The following SYBU variants were observed in gnomAD, a reference collection of about 807,000 sequenced individuals.
The protein encoded by SYBU is GOLSYN A protein.
In SYBU, 21 loss-of-function variants were observed where a neutral mutation model predicts 35.9. The observed-to-expected ratio is 0.58, with a 90% CI of 0.41 to 0.84. The LOEUF (loss-of-function observed/expected upper bound fraction) is 0.84, where lower values mean the gene tolerates loss of function less well. SYBU is among the 40% of genes least tolerant of loss of function. The pLI, the probability that SYBU is intolerant of heterozygous loss-of-function variation, is 0.00. For synonymous variants in SYBU, 319 were observed against 324.3 expected (o/e 0.98, Z 0.18); for missense variants, 768 against 848.2 (o/e 0.91, Z 1.17).
intron 3 of SYBU, among the ~76,000 whole-genome samples, chr8:109,613,343 T>C (rs1168926396): frequency 6.6e-6 from 1 of 152,208 alleles, no homozygotes; most frequent in African/African-American, 2.4e-5. Context: ...TTCTGCCAGG[T>C]CCAACACAGA....
chr8:109,612,372 A>G (rs1261434445), intron 3 of SYBU, among the ~76,000 whole-genome samples: 1 of 152,228 alleles, frequency 6.6e-6, no homozygotes, highest in Non-Finnish European at 1.5e-5. Context: ...TATCTGAAAT[A>G]GCTTACAGCC....
At chr8:109,641,432 C>A (rs761646135) in intron 2 of SYBU, among the ~76,000 whole-genome samples, 12 of 152,230 alleles carry the variant, frequency 7.9e-5, no homozygotes, top group Non-Finnish European at 1.3e-4. Context: ...CTCTACAAGG[C>A]AAGTATTATA....
intron 1 of SYBU, among the ~76,000 whole-genome samples, chr8:109,673,275 C>G (rs1436631645): frequency 1.3e-5 from 2 of 152,166 alleles, no homozygotes; most frequent in African/African-American, 2.4e-5. Context: ...ACACCTCATA[C>G]AGGTGAGCTC....
intron 3 of SYBU, among the ~76,000 whole-genome samples, chr8:109,605,494 C>T (rs1825977514): frequency 6.6e-6 from 1 of 152,130 alleles, no homozygotes. Flanking sequence ...ATTCAAGTGA[C>T]TTGGTATAGT....
chr8:109,608,351 A>G (rs1826281251), intron 3 of SYBU, among the ~76,000 whole-genome samples: 1 of 152,232 alleles, frequency 6.6e-6, no homozygotes, highest in Admixed American at 6.5e-5. Flanking sequence ...ATGGGCAAGC[A>G]AGAAATTATA....
intron 4 of SYBU, among the ~76,000 whole-genome samples, chr8:109,582,604 G>C (rs1261235880): frequency 6.6e-6 from 1 of 152,138 alleles, no homozygotes; most frequent in African/African-American, 2.4e-5. Flanking sequence ...TGACTCAGGT[G>C]AATTTCGATT....
intron 3 of SYBU, among the ~76,000 whole-genome samples, chr8:109,600,055 C>G (rs975444357): frequency 2.0e-5 from 3 of 152,066 alleles, no homozygotes; most frequent in African/African-American, 7.2e-5. Context: ...TTTATCTGAC[C>G]CCACCAAGAA....
chr8:109,642,748 C>T lies in SYBU; in HGVS notation c.209G>A (p.Ser70Asn), dbSNP rs778719920. Residue 70 changes from serine (S) to asparagine (N), a missense_variant, in exon 2 of 7, where the codon AGC becomes AAC. Physicochemically the swap from Ser to Asn is conservative, Grantham distance 46. Coordinates refer to ENST00000276646, the MANE Select transcript of SYBU (RefSeq NM_001099754.2). ...SSSGRSARTV[S>N]SNSFCSDDTG... is the part of the protein sequence containing the mutation. ...TGTACCTGAGCAGAAGCTGTTGCTG[C>T]TAACGGTCCTCGCTGAGCGCCCAGA... is the stretch of plus-strand genomic sequence containing the variant. 18 of 1,607,052 alleles carry T rather than the reference C, an allele frequency of 1.1e-5. No homozygotes were observed. The South Asian group carries it at 1.9e-4, about 17-fold the overall frequency.
chr8:109,676,689 T>G (rs1380484323), intron 1 of SYBU, among the ~76,000 whole-genome samples: 1 of 152,208 alleles, frequency 6.6e-6, no homozygotes, highest in African/African-American at 2.4e-5. Context: ...TGTATACAAA[T>G]ATAAATGATT....
intron 2 of SYBU, among the ~76,000 whole-genome samples, chr8:109,629,892 C>A (rs575015579): frequency 6.6e-6 from 1 of 152,220 alleles, no homozygotes; most frequent in South Asian, 2.1e-4. Context: ...TCTCTGATGG[C>A]CGGTGATGAT....
chr8:109,630,795 T>A (rs1315999141), intron 2 of SYBU, among the ~76,000 whole-genome samples: 1 of 152,110 alleles, frequency 6.6e-6, no homozygotes, highest in Admixed American at 6.5e-5. Flanking sequence ...GGCACTTGGA[T>A]AAGTGAGCCT....
At chr8:109,680,778 G>A (rs556340244) in exon 1 of SYBU, 54 of 152,330 alleles carry the variant, frequency 3.5e-4, no homozygotes, top group African/African-American at 1.2e-3. Flanking sequence ...TAAAGCTTCA[G>A]TTCTGGAGTC....
intron 4 of SYBU, 141 bp from the exon 5 acceptor site, chr8:109,580,143 G>A (rs1378914391): frequency 6.7e-6 from 5 of 750,634 alleles, no homozygotes; most frequent in African/African-American, 3.5e-5. Flanking sequence ...CTGTCCTTAG[G>A]AGCGGCCTTC....
intron 1 of SYBU, among the ~76,000 whole-genome samples, chr8:109,657,167 T>C (rs1816386612): frequency 6.6e-6 from 1 of 152,172 alleles, no homozygotes; most frequent in African/African-American, 2.4e-5. Context: ...TTATAAACAT[T>C]AAAAACTAAG....
chr8:109,659,348 A>G (rs948365673), intron 1 of SYBU, among the ~76,000 whole-genome samples: 1 of 152,180 alleles, frequency 6.6e-6, no homozygotes, highest in Non-Finnish European at 1.5e-5. Context: ...TGACAATCTG[A>G]TGCTCCTTCT....
Position 109,575,513 on chromosome 8 carries a change from G to A in SYBU, c.1385C>T (p.Thr462Ile). 1 of 1,614,146 alleles carries A rather than the reference G, an allele frequency of 6.2e-7. No individual in the cohort carries two copies. Among genetic ancestry groups the A allele is most frequent in the Non-Finnish European group, 8.5e-7 (1 of 1,180,026 alleles). Residue 462 changes from threonine (T) to isoleucine (I), a missense_variant, in exon 7 of 7, where the codon ACC becomes ATC. Thr to Ile is a moderately conservative substitution (Grantham distance 89, BLOSUM62 -1). Transcript: ENST00000276646. ...CAGCTCCAGGACGTTAGCCCCAGGGGTGGAATGCACAAGCTCCAGGTCACC... is the reference window on the plus strand; with the variant it reads ...CAGCTCCAGGACGTTAGCCCCAGGGATGGAATGCACAAGCTCCAGGTCACC... ...ESGDLELVHS[T>I]PGANVLELLP... is the part of the protein sequence containing the mutation.
chr8:109,580,188 A>G (rs1464949264), intron 4 of SYBU, 186 bp from the exon 5 acceptor site: 3 of 588,248 alleles, frequency 5.1e-6, no homozygotes, highest in Non-Finnish European at 9.1e-6. Flanking sequence ...TCCTTGTGAC[A>G]TCAGCACAAG....
chr8:109,613,171 T>A (rs1035796712), intron 3 of SYBU, among the ~76,000 whole-genome samples: 1 of 152,196 alleles, frequency 6.6e-6, no homozygotes, highest in African/African-American at 2.4e-5. Flanking sequence ...TCTCCTTTTA[T>A]GTGACATGGG....
At position 109,586,372 on chromosome 8, in the gene SYBU, T is replaced by G. The variant is rs961569502; in HGVS notation, c.428-210A>C. ...CATCATTTCATAAACACAGCTAAGA[T>G]GCACAGTAAGGCTGGTTTCATAAAG... On this transcript the variant is annotated intron_variant, in intron 3 of 6. Coordinates refer to ENST00000276646, the MANE Select transcript of SYBU (RefSeq NM_001099754.2). 7.2e-6 allele frequency: 4 copies of G among 551,958 alleles called. No homozygotes were observed. In the Admixed American group the frequency reaches 1.3e-4, roughly 18 times the overall value. 34.2% of individuals were successfully genotyped at this position (551,958 alleles called of 1,614,324 possible). A position where few individuals can be genotyped will look rare whatever the true frequency, so the allele number is the denominator to read the frequency against.
Sources: allele counts gnomAD v4.1 joint callset (sites outside exome capture counted in the v4.1 genomes callset), GRCh38; gene constraint gnomAD v4.1.1; transcripts MANE v1.5; gene names NCBI Gene and HGNC (gene_info 2026-07-23, HGNC 2026-07-21).